SLCO1B3: variants seen among roughly 807,000 people sequenced by gnomAD.
The protein encoded by SLCO1B3 is liver-specific organic anion transporter 2.
SLCO1B3 carries 72 observed loss-of-function variants against 71.8 expected under a neutral mutation model. The observed-to-expected ratio is 1.00, with a 90% CI of 0.83 to 1.22. SLCO1B3 has a LOEUF of 1.22. Ranked by LOEUF, SLCO1B3 falls within the 50% of genes most tolerant of loss-of-function variation. The pLI is 0.00. For synonymous variants in SLCO1B3, 298 were observed against 278.4 expected, an observed-to-expected ratio of 1.07 and a Z score of -0.70; for missense variants, 911 against 819.7, an observed-to-expected ratio of 1.11 and a Z score of -1.36.
At chr12:20,898,259 T>A (rs533898985) in intron 13 of SLCO1B3, among the ~76,000 whole-genome samples, 177 bp from the exon 14 acceptor site, 20 of 152,288 alleles carry the variant, frequency 1.3e-4, no homozygotes, top group African/African-American at 4.1e-4. Flanking sequence ...ATTATTATTA[T>A]CACTCAGGTG....
At chr12:20,901,589 T>G in intron 15 of SLCO1B3, 122 bp downstream of exon 15, 1 of 566,164 alleles carries the variant, frequency 1.8e-6, no homozygotes. Flanking sequence ...GAACAATTAC[T>G]TTGTATTCAC....
At chr12:20,833,885 T>A (rs61921621) in intron 3 of SLCO1B3, among the ~76,000 whole-genome samples, 66,770 of 146,694 alleles carry the variant, frequency 0.46, 17,153 homozygotes, top group South Asian at 0.64. Flanking sequence ...AGTGTATGTA[T>A]ACAATATATA....
intron 3 of SLCO1B3, among the ~76,000 whole-genome samples, chr12:20,827,606 C>G (rs971377418): frequency 6.6e-6 from 1 of 151,936 alleles, no homozygotes; most frequent in African/African-American, 2.4e-5. Flanking sequence ...GAGTCTCACT[C>G]CGTTGCCCGG....
chr12:20,854,518 G>T (rs946649693), intron 3 of SLCO1B3, among the ~76,000 whole-genome samples: 1 of 152,072 alleles, frequency 6.6e-6, no homozygotes, highest in Non-Finnish European at 1.5e-5. Context: ...GGACATACCT[G>T]CTCTCTTTAG....
chr12:20,854,906 G>T, intron 3 of SLCO1B3, 122 bp from the exon 4 acceptor site: 2 of 865,640 alleles, frequency 2.3e-6, no homozygotes, highest in East Asian at 2.7e-5. Flanking sequence ...AGGGAAAAAT[G>T]GGTATTTTTT....
rs1283176996 is a variant in SLCO1B3 at position 20,858,577 on chromosome 12, T to C, written c.359+6T>C. On this transcript the variant is annotated splice_donor_region_variant and intron_variant, in intron 5 of 15. Coordinates refer to ENST00000381545, the MANE Select transcript of SLCO1B3 (RefSeq NM_019844.4). ...CCACATTTCTTCATGGGATAGTAAG[T>C]GTTAAACAGCTCTGAGCCATTTATT... 1.2e-6 allele frequency: 2 copies of C among 1,603,726 alleles called. No individual in the cohort carries two copies. The highest frequency in any genetic ancestry group is 2.7e-5 in the African/African-American group (2 of 74,692).
chr12:20,846,197 T>C (rs1864917495), intron 3 of SLCO1B3, among the ~76,000 whole-genome samples: 1 of 152,190 alleles, frequency 6.6e-6, no homozygotes, highest in Admixed American at 6.5e-5. Context: ...TCAAAGAGAA[T>C]AGTTAGAATA....
At chr12:20,866,561 T>A (rs550763660) in intron 8 of SLCO1B3, among the ~76,000 whole-genome samples, 1 of 152,084 alleles carries the variant, frequency 6.6e-6, no homozygotes, top group Non-Finnish European at 1.5e-5. Context: ...AATGCATAAT[T>A]TGAAAATTTT....
chr12:20,886,572 A>G (rs1038019030), intron 13 of SLCO1B3, among the ~76,000 whole-genome samples: 6 of 152,102 alleles, frequency 3.9e-5, no homozygotes, highest in African/African-American at 1.4e-4. Flanking sequence ...GAATAAAGAA[A>G]CTATGTCAAG....
chr12:20,896,826 GAA>G (rs1223213397), intron 13 of SLCO1B3, among the ~76,000 whole-genome samples: 1 of 152,174 alleles, frequency 6.6e-6, no homozygotes, highest in Non-Finnish European at 1.5e-5. Flanking sequence ...ATTTACAAAA[GAA>G]AGAGGTTTAA....
intron 13 of SLCO1B3, among the ~76,000 whole-genome samples, chr12:20,887,818 G>T (rs1297785461): frequency 6.6e-6 from 1 of 151,632 alleles, no homozygotes; most frequent in African/African-American, 2.4e-5. Flanking sequence ...GTCCAGAAAA[G>T]TTTTTCCTAG....
chr12:20,897,226 T>G lies in SLCO1B3; in HGVS notation c.1683-1210T>G, dbSNP rs188454857. Among the ~76,000 whole-genome samples the G allele has an allele frequency of 2.6e-5, 4 of 152,360 alleles. No homozygotes were observed. The East Asian group carries it at 7.7e-4, about 29-fold the overall frequency. On this transcript the variant is annotated intron_variant, in intron 13 of 15. Transcript: ENST00000381545. The stretch of plus-strand genomic sequence containing the variant: ...GGGCCAAAACACACTTTCTGTTTAT[T>G]GTCTCTCCTAATAGATAACTATTTT...
intron 14 of SLCO1B3, among the ~76,000 whole-genome samples, chr12:20,901,122 T>C (rs1371448249): frequency 6.6e-6 from 1 of 152,140 alleles, no homozygotes; most frequent in Non-Finnish European, 1.5e-5. Context: ...CTTCCCTCTG[T>C]ATATAGGGAG....
intron 5 of SLCO1B3, 58 bp from the exon 6 acceptor site, chr12:20,860,959 G>A: frequency 1.4e-6 from 2 of 1,478,732 alleles, no homozygotes; most frequent in Middle Eastern, 2.2e-4. Flanking sequence ...GTATTTCTGG[G>A]AAAACTGAAA....
chr12:20,886,961 A>G (rs1312273828), intron 13 of SLCO1B3, among the ~76,000 whole-genome samples: 1 of 151,970 alleles, frequency 6.6e-6, no homozygotes, highest in Non-Finnish European at 1.5e-5. Flanking sequence ...CAAAGTAAGT[A>G]CATGCATTTT....
At chr12:20,876,522 C>T (rs1865582005) in intron 9 of SLCO1B3, among the ~76,000 whole-genome samples, 1 of 152,066 alleles carries the variant, frequency 6.6e-6, no homozygotes, top group South Asian at 2.1e-4. Context: ...TCCTCTCCAC[C>T]ACACTAACCC....
chr12:20,846,328 T>G (rs1019470759), intron 3 of SLCO1B3, among the ~76,000 whole-genome samples: 6 of 152,232 alleles, frequency 3.9e-5, no homozygotes, highest in Admixed American at 6.5e-5. Flanking sequence ...TGTGGATAAT[T>G]TTGAACATTG....
chr12:20,875,362 A>G lies in SLCO1B3; in HGVS notation c.855A>G (p.Lys285=), dbSNP rs1565598156. The G allele has an allele frequency of 6.2e-7, 1 of 1,612,730 alleles. No individual in the cohort carries two copies. Among genetic ancestry groups the G allele is most frequent in the Admixed American group, 1.7e-5 (1 of 59,814 alleles). The part of the protein sequence containing the change: ...PFFFLPKNPN[K]PQKERKISLS... Reference sequence around the variant, plus strand: ...TTTTCTTGCCGAAAAATCCAAATAAACCACAAAAAGAAAGAAAAATTTCAC... The same window carrying G: ...TTTTCTTGCCGAAAAATCCAAATAAGCCACAAAAAGAAAGAAAAATTTCAC... Residue 285 remains lysine, a synonymous_variant, in exon 9 of 16, where the codon AAA becomes AAG. Transcript: ENST00000381545.
At chr12:20,852,929 C>G (rs570983783) in intron 3 of SLCO1B3, among the ~76,000 whole-genome samples, 1 of 151,884 alleles carries the variant, frequency 6.6e-6, no homozygotes, top group African/African-American at 2.4e-5. Context: ...TGTTTAATTT[C>G]TTTTCCTAGA....
Sources: gnomAD v4.1 joint callset for allele counts (sites outside exome capture counted in the v4.1 genomes callset) on GRCh38, gnomAD v4.1.1 for gene constraint, MANE v1.5 for transcripts, NCBI Gene and HGNC (gene_info 2026-07-23, HGNC 2026-07-21) for gene names.